The following IL3RA variants were observed in gnomAD, a reference collection of about 807,000 sequenced individuals.
IL3RA encodes the protein interleukin 3 receptor subunit alpha.
IL3RA carries 73 observed loss-of-function variants against 52.3 expected under a neutral mutation model. The observed-to-expected ratio is 1.40, with a 90% confidence interval of 1.16 to 1.70. The LOEUF is 1.70. Among genes scored for constraint, IL3RA ranks in the 40% most tolerant of loss-of-function variants. The pLI, the probability that IL3RA is intolerant of heterozygous loss-of-function variation, is 0.00. For missense variants in IL3RA, 664 were observed against 504.4 expected (o/e 1.32, Z -3.03); for synonymous variants, 260 against 194.0 (o/e 1.34, Z -2.83).
At chrX:1,363,494 G>A (rs7064638) in intron 8 of IL3RA, among the ~76,000 whole-genome samples, 83,228 of 150,876 alleles carry the variant, frequency 0.55, 25,438 homozygotes, top group African/African-American at 0.83. Context: ...TAGAGACGGG[G>A]TTTCACTGTG....
intron 8 of IL3RA, among the ~76,000 whole-genome samples, chrX:1,364,518 T>C (rs2087755619): frequency 6.6e-6 from 1 of 152,110 alleles, no homozygotes; most frequent in Non-Finnish European, 1.5e-5. Flanking sequence ...AATTTTCTTC[T>C]AGAGATGGGG....
At chrX:1,354,442 G>A (rs2086460937) in intron 6 of IL3RA, among the ~76,000 whole-genome samples, 1 of 150,444 alleles carries the variant, frequency 6.6e-6, no homozygotes, top group South Asian at 2.1e-4. Flanking sequence ...ACGAGGAAGA[G>A]GAGGAGAAGG....
At chrX:1,354,857 G>A (rs777105241) in intron 6 of IL3RA, among the ~76,000 whole-genome samples, 25 of 54,244 alleles carry the variant, frequency 4.6e-4, no homozygotes, top group African/African-American at 2.0e-3. Context: ...AGGAGGAGGC[G>A]GGGGAGGGAA....
chrX:1,362,992 C>A (rs2149098731), intron 8 of IL3RA, among the ~76,000 whole-genome samples: 1 of 152,070 alleles, frequency 6.6e-6, no homozygotes, highest in South Asian at 2.1e-4. Context: ...CTCAGGTTGA[C>A]CTCGAACTCC....
chrX:1,352,369 G>A lies in IL3RA; in HGVS notation c.479G>A (p.Gly160Glu). 6.2e-7 allele frequency: 1 copy of A among 1,613,900 alleles called. No homozygotes were observed. The highest frequency in any genetic ancestry group is 8.5e-7 in the Non-Finnish European group (1 of 1,179,854). ...CTTCACTACAAAACGGATGCTCAGG[G>A]AACACGTATCGGGTGTCGTTTCGAT... ...ECLHYKTDAQ[G>E]TRIGCRFDDI... Residue 160 changes from glycine to glutamate, a missense_variant, in exon 6 of 12, where the codon GGA becomes GAA. Coordinates refer to ENST00000331035, the MANE Select transcript of IL3RA (RefSeq NM_002183.4).
intron 2 of IL3RA, 86 bp from the exon 3 acceptor site, chrX:1,345,230 G>A (rs748965009): frequency 4.4e-5 from 33 of 744,958 alleles, no homozygotes; most frequent in African/African-American, 1.0e-4. Context: ...CTAACTCCAC[G>A]GGCAAAAAAA....
chrX:1,344,209 A>G (rs1161678549), intron 2 of IL3RA, among the ~76,000 whole-genome samples: 4 of 151,896 alleles, frequency 2.6e-5, no homozygotes, highest in East Asian at 3.9e-4. Flanking sequence ...TGAGGCAGGC[A>G]GATCATGTGA....
intron 8 of IL3RA, among the ~76,000 whole-genome samples, chrX:1,360,356 A>ATC (rs771602134): frequency 2.5e-4 from 28 of 110,070 alleles, no homozygotes; most frequent in East Asian, 5.9e-4. Flanking sequence ...CCCTCTCTTT[A>ATC]TCTCTCTCTC....
chrX:1,381,125 T>C, intron 11 of IL3RA, 21 bp downstream of exon 11: 1 of 1,612,298 alleles, frequency 6.2e-7, no homozygotes, highest in South Asian at 1.1e-5. Context: ...TTTTCTGCCT[T>C]GGGACGGGTC....
intron 2 of IL3RA, among the ~76,000 whole-genome samples, chrX:1,344,604 C>T (rs1397044285): frequency 2.0e-5 from 3 of 150,618 alleles, no homozygotes; most frequent in Non-Finnish European, 4.4e-5. Context: ...GAAACCCCAT[C>T]TCTAGTAAAA....
rs767699481 is a variant in IL3RA, at chrX:1,347,376, A to G, written c.184-1055A>G. Among the ~76,000 whole-genome samples, 313 of 150,798 alleles carry G rather than the reference A, an allele frequency of 2.1e-3. 11 individuals carry two copies. Among genetic ancestry groups the G allele is most frequent in the African/African-American group, 7.2e-3 (292 of 40,406 alleles). Reference sequence around the variant, plus strand: ...GGAGAATGGCTTGAACCTGGGAGGCAGAAGCTTGCAGTGAGCCGAGATCGC... The same window carrying G: ...GGAGAATGGCTTGAACCTGGGAGGCGGAAGCTTGCAGTGAGCCGAGATCGC... On this transcript the variant is annotated intron_variant, in intron 3 of 11. Coordinates refer to ENST00000331035, the MANE Select transcript of IL3RA (RefSeq NM_002183.4).
Position 1,381,180 on chromosome X carries a change from C to T in IL3RA, c.1062+76C>T. On this transcript the variant is annotated intron_variant, in intron 11 of 11. Transcript: ENST00000331035. Reference sequence around the variant, plus strand: ...TTGGGAGGCCCAGGCGGGCGGACCACTTGAGGCCAGGAACTGGAGACCAGC... The same window carrying T: ...TTGGGAGGCCCAGGCGGGCGGACCATTTGAGGCCAGGAACTGGAGACCAGC... 1.5e-6 allele frequency: 2 copies of T among 1,317,388 alleles called. 1 individual carries two copies. Among genetic ancestry groups the T allele is most frequent in the Middle Eastern group, 3.7e-4 (2 of 5,464 alleles). 81.6% of individuals were successfully genotyped at this position (1,317,388 alleles called of 1,614,324 possible).
intron 4 of IL3RA, among the ~76,000 whole-genome samples, chrX:1,348,787 C>T (rs2085938115): frequency 2.1e-5 from 3 of 145,416 alleles, no homozygotes; most frequent in Admixed American, 1.4e-4. Context: ...TCCCTCCCTC[C>T]CTTCTTTCTT....
chrX:1,378,787 G>A (rs757445430), intron 10 of IL3RA, 23 bp downstream of exon 10: 41 of 1,594,804 alleles, frequency 2.6e-5, no homozygotes, highest in Admixed American at 3.3e-5. Context: ...GGGCGTCCGC[G>A]AGCGTCGCTT....
At chrX:1,368,725 C>T (rs1177707850) in intron 9 of IL3RA, among the ~76,000 whole-genome samples, 2 of 150,416 alleles carry the variant, frequency 1.3e-5, no homozygotes, top group Middle Eastern at 3.2e-3. Flanking sequence ...GAGAAGACGG[C>T]GTCTCCAAGC....
chrX:1,382,533 T>G lies in IL3RA; in HGVS notation c.*68T>G. 2 of 1,443,430 alleles carry G rather than the reference T, an allele frequency of 1.4e-6. No homozygotes were observed. Among genetic ancestry groups the G allele is most frequent in the Non-Finnish European group, 2.0e-6 (2 of 1,024,786 alleles). The allele number at this position is 1,443,430 out of a possible 1,614,324, so 89.4% of individuals were successfully genotyped here. Reference sequence around the variant, plus strand: ...GGCCGGGCCAGGCGCCTGCACAGACTGGCTGCTGGACCTGCGCACGCAGCC... The same window carrying G: ...GGCCGGGCCAGGCGCCTGCACAGACGGGCTGCTGGACCTGCGCACGCAGCC... On this transcript the variant is annotated 3_prime_UTR_variant, in exon 12 of 12. Coordinates refer to ENST00000331035, the MANE Select transcript of IL3RA (RefSeq NM_002183.4).
intron 6 of IL3RA, among the ~76,000 whole-genome samples, chrX:1,353,807 C>CA (rs1168572316): frequency 7.0e-6 from 1 of 143,660 alleles, no homozygotes; most frequent in Non-Finnish European, 1.5e-5. Flanking sequence ...GTCATGGGAC[C>CA]CCCCCCATCA....
At chrX:1,380,643 GA>G (rs2089132256) in intron 10 of IL3RA, among the ~76,000 whole-genome samples, 1 of 76,286 alleles carries the variant, frequency 1.3e-5, no homozygotes, top group Non-Finnish European at 2.8e-5. Flanking sequence ...GGGAGAGGGG[GA>G]GGGGGAGAGG....
chrX:1,343,329 T>C (rs1367015148), intron 2 of IL3RA, among the ~76,000 whole-genome samples: 5 of 152,126 alleles, frequency 3.3e-5, no homozygotes, highest in South Asian at 2.1e-4. Context: ...ATAGTTGATG[T>C]ATGTTTCTAG....
Sources: gnomAD v4.1 joint callset for allele counts (sites outside exome capture counted in the v4.1 genomes callset) on GRCh38, gnomAD v4.1.1 for gene constraint, MANE v1.5 for transcripts, NCBI Gene and HGNC (gene_info 2026-07-23, HGNC 2026-07-21) for gene names.